The following DOK5 variants were observed in gnomAD, a reference collection of about 807,000 sequenced individuals.
The protein encoded by DOK5 is docking protein 5, also known as downstream of tyrosine kinase 5.
DOK5 carries 27 observed loss-of-function variants against 43.3 expected under a neutral mutation model. The observed-to-expected ratio is 0.62, with a 90% CI of 0.46 to 0.86. The LOEUF is 0.86. Among genes scored for constraint, DOK5 ranks in the 40% least tolerant of loss-of-function variants. The probability of loss-of-function intolerance (pLI) is 0.00; values close to 1 mark genes in which losing one functional copy is unlikely to be tolerated. For missense variants in DOK5, 373 were observed against 392.9 expected (o/e 0.95, Z 0.43); for synonymous variants, 146 against 140.1 (o/e 1.04, Z -0.30).
chr20:54,610,650 T>C, intron 6 of DOK5, 127 bp downstream of exon 6: 1 of 1,105,516 alleles, frequency 9.0e-7, no homozygotes, highest in Non-Finnish European at 1.2e-6. Flanking sequence ...CTCAACAGTG[T>C]ATCACTTGGA....
intron 1 of DOK5, among the ~76,000 whole-genome samples, chr20:54,488,163 A>C (rs1435457710): frequency 6.6e-6 from 1 of 152,174 alleles, no homozygotes; most frequent in African/African-American, 2.4e-5. Context: ...GTTCCATTCC[A>C]CCAACAGTGG....
chr20:54,611,555 T>A (rs1382116008), intron 6 of DOK5, among the ~76,000 whole-genome samples: 1 of 151,456 alleles, frequency 6.6e-6, no homozygotes, highest in East Asian at 1.9e-4. Context: ...AGAGAGACAC[T>A]GCCTAAAAAT....
At chr20:54,491,026 T>C (rs1038975805) in intron 1 of DOK5, among the ~76,000 whole-genome samples, 6 of 152,244 alleles carry the variant, frequency 3.9e-5, no homozygotes, top group African/African-American at 1.2e-4. Context: ...TCTGACTTCA[T>C]TGTCAGGTCA....
At chr20:54,509,454 A>G (rs1310768382) in intron 1 of DOK5, among the ~76,000 whole-genome samples, 2 of 152,320 alleles carry the variant, frequency 1.3e-5, no homozygotes, top group Non-Finnish European at 2.9e-5. Context: ...TCCGCCTCCC[A>G]AAATGCTGGG....
At chr20:54,637,893 C>A (rs554060200) in intron 6 of DOK5, among the ~76,000 whole-genome samples, 1 of 152,128 alleles carries the variant, frequency 6.6e-6, no homozygotes, top group East Asian at 1.9e-4. Flanking sequence ...GAGGCCAAGG[C>A]GGGCAGATCA....
At chr20:54,563,189 G>T (rs1478684717) in intron 2 of DOK5, among the ~76,000 whole-genome samples, 1 of 152,096 alleles carries the variant, frequency 6.6e-6, no homozygotes, top group Non-Finnish European at 1.5e-5. Flanking sequence ...CTTGATTTTG[G>T]GCTCTGGCCT....
intron 2 of DOK5, among the ~76,000 whole-genome samples, chr20:54,558,006 A>G (rs552758664): frequency 1.2e-4 from 19 of 152,336 alleles, no homozygotes; most frequent in African/African-American, 4.3e-4. Flanking sequence ...AACACTTTTA[A>G]AAGTATTGGC....
At chr20:54,628,270 G>A (rs1456075476) in intron 6 of DOK5, among the ~76,000 whole-genome samples, 11 of 151,586 alleles carry the variant, frequency 7.3e-5, no homozygotes, top group Admixed American at 6.6e-4. Context: ...TTAGCCCGGC[G>A]TGGTGGCGGG....
chr20:54,544,073 G>A (rs758331181), intron 1 of DOK5, among the ~76,000 whole-genome samples: 39 of 152,158 alleles, frequency 2.6e-4, no homozygotes, highest in Non-Finnish European at 5.6e-4. Flanking sequence ...TTTATTCCCT[G>A]TGGATGCTTT....
chr20:54,622,583 G>T (rs1305210092), intron 6 of DOK5, among the ~76,000 whole-genome samples: 2 of 152,224 alleles, frequency 1.3e-5, no homozygotes, highest in Admixed American at 6.5e-5. Flanking sequence ...GAGACAACTT[G>T]TTTTGCTGAC....
At chr20:54,483,691 T>C (rs969647466) in intron 1 of DOK5, among the ~76,000 whole-genome samples, 3 of 152,178 alleles carry the variant, frequency 2.0e-5, no homozygotes, top group Non-Finnish European at 4.4e-5. Context: ...GAGATTATGG[T>C]GCGACCCCCC....
chr20:54,620,051 A>ATT (rs11481803), intron 6 of DOK5, among the ~76,000 whole-genome samples: 1 of 151,992 alleles, frequency 6.6e-6, no homozygotes, highest in African/African-American at 2.4e-5. Context: ...TAACTTATGG[A>ATT]TTTTTTAAAA....
At chr20:54,524,891 A>C (rs998788713) in intron 1 of DOK5, among the ~76,000 whole-genome samples, 22 of 152,224 alleles carry the variant, frequency 1.4e-4, no homozygotes, top group African/African-American at 5.3e-4. Flanking sequence ...GAAAAGGTTG[A>C]GTTTTTGTCA....
intron 5 of DOK5, among the ~76,000 whole-genome samples, chr20:54,607,073 A>G (rs1986494491): frequency 6.6e-6 from 1 of 152,248 alleles, no homozygotes; most frequent in East Asian, 1.9e-4. Flanking sequence ...CTTCTCTTAA[A>G]CATAATAGAA....
chr20:54,475,927 G>A lies in DOK5; in HGVS notation c.-20G>A, dbSNP rs1036877826. The A allele has an allele frequency of 4.3e-6, 7 of 1,612,750 alleles. No homozygotes were observed. The highest frequency in any genetic ancestry group is 1.3e-5 in the African/African-American group (1 of 75,048). On this transcript the variant is annotated 5_prime_UTR_variant, in exon 1 of 8. Transcript: ENST00000262593. This position sits in a 1 kb window ranked among gnomAD's most constrained non-coding sequence, Gnocchi z 4.2. The stretch of plus-strand genomic sequence containing the variant: ...CGGGTGCGCGCTCTTGGGTAAAGGG[G>A]GGGTCACCGGCTGTCTGGGATGGCT...
At chr20:54,585,907 A>ACAG (rs1311059264) in intron 2 of DOK5, among the ~76,000 whole-genome samples, 1 of 152,194 alleles carries the variant, frequency 6.6e-6, no homozygotes, top group East Asian at 1.9e-4. Flanking sequence ...AGATCACCTG[A>ACAG]GGTCAGGAGT....
chr20:54,628,854 A>G (rs1287811037), intron 6 of DOK5, among the ~76,000 whole-genome samples: 1 of 152,230 alleles, frequency 6.6e-6, no homozygotes, highest in African/African-American at 2.4e-5. Context: ...CAGACTTGGT[A>G]AATAGATTAC....
intron 5 of DOK5, among the ~76,000 whole-genome samples, chr20:54,600,359 C>T (rs1337287084): frequency 1.3e-5 from 2 of 152,084 alleles, no homozygotes; most frequent in Non-Finnish European, 2.9e-5. Flanking sequence ...CAAGATGGCT[C>T]TCACTTCTGA....
At chr20:54,581,991 G>A (rs1985659072) in intron 2 of DOK5, among the ~76,000 whole-genome samples, 1 of 151,836 alleles carries the variant, frequency 6.6e-6, no homozygotes, top group Non-Finnish European at 1.5e-5. Context: ...AAAAAAAAAT[G>A]TTTTCATTTT....
Sources: allele counts gnomAD v4.1 joint callset (sites outside exome capture counted in the v4.1 genomes callset), GRCh38; gene constraint gnomAD v4.1.1; non-coding constraint Gnocchi (gnomAD v3.1); transcripts MANE v1.5; gene names NCBI Gene and HGNC (gene_info 2026-07-23, HGNC 2026-07-21).